The following MMP10 variants were observed in gnomAD, a reference collection of about 807,000 sequenced individuals.
The protein encoded by MMP10 is stromelysin-2.
Under a neutral mutation model 49.1 loss-of-function variants are expected in MMP10, and 50 were observed. The observed-to-expected ratio is 1.02, with a 90% CI of 0.81 to 1.29. The LOEUF is 1.29. MMP10 is among the 50% of genes most tolerant of loss of function. MMP10 has a pLI of 0.00. For missense variants in MMP10, 613 were observed against 563.8 expected (o/e 1.09, Z -0.88); for synonymous variants, 229 against 201.6 (o/e 1.14, Z -1.15).
At chr11:102,778,555 A>T in intron 4 of MMP10, 69 bp downstream of exon 4, 6 of 1,582,658 alleles carry the variant, frequency 3.8e-6, no homozygotes, top group Non-Finnish European at 5.2e-6. Flanking sequence ...CTCGTTCTAG[A>T]TAATCCAATT....
intron 6 of MMP10, 116 bp from the exon 7 acceptor site, chr11:102,775,437 T>C (rs1862012996): frequency 9.7e-6 from 7 of 725,358 alleles, no homozygotes; most frequent in Admixed American, 3.2e-5. Context: ...TATTAAACCA[T>C]CCTCCTGCAT....
chr11:102,778,164 T>A (rs947335313), intron 4 of MMP10, among the ~76,000 whole-genome samples: 6 of 152,198 alleles, frequency 3.9e-5, no homozygotes, highest in African/African-American at 1.2e-4. Flanking sequence ...TTCGAAAAGA[T>A]GACCTAACAG....
chr11:102,778,871 A>G (rs1255633680), intron 3 of MMP10, 122 bp from the exon 4 acceptor site: 5 of 1,180,948 alleles, frequency 4.2e-6, no homozygotes, highest in Non-Finnish European at 2.4e-6. Flanking sequence ...CATATGTTGA[A>G]ACTCAATGCC....
At chr11:102,775,608 A>G (rs1353086501) in intron 6 of MMP10, among the ~76,000 whole-genome samples, 1 of 152,172 alleles carries the variant, frequency 6.6e-6, no homozygotes, top group Non-Finnish European at 1.5e-5. Context: ...TGAGTAGAAC[A>G]TTTTTGTAAA....
rs1482636037 is a variant in MMP10, at chr11:102,773,044, C to T, written c.1067-38G>A. ...TAAATCCAAGACATTTTACTTGAAG[C>T]CATTGATTTTAAAAATAATTATAGT... On this transcript the variant is annotated intron_variant, in intron 7 of 9. Transcript: ENST00000279441. 13 of 1,552,028 alleles carry T rather than the reference C, an allele frequency of 8.4e-6. 1 individual carries two copies. In the South Asian group the frequency reaches 1.6e-4, roughly 19 times the overall value.
At chr11:102,779,969 C>G (rs1244372781) in intron 1 of MMP10, among the ~76,000 whole-genome samples, 2 of 152,094 alleles carry the variant, frequency 1.3e-5, no homozygotes, top group Non-Finnish European at 1.5e-5. Context: ...TCAAGTCTAG[C>G]ATTATTTTTG....
At chr11:102,778,422 TG>T (rs1194157453) in intron 4 of MMP10, among the ~76,000 whole-genome samples, 1 of 152,168 alleles carries the variant, frequency 6.6e-6, no homozygotes, top group Non-Finnish European at 1.5e-5. Flanking sequence ...TTGTACTTGG[TG>T]GGGGCAAACA....
rs1591068986 is a variant in MMP10, at chr11:102,776,431, G to A, written c.788-7C>T. 1.2e-6 allele frequency: 2 copies of A among 1,610,786 alleles called. No individual in the cohort carries two copies. The highest frequency in any genetic ancestry group is 1.1e-5 in the South Asian group (1 of 90,218). ...GTAGAGGCAGGGGGAGGTCCTAAAG[G>A]AAACAGATTTGGGGATGCAAACATT... On this transcript the variant is annotated splice_region_variant and splice_polypyrimidine_tract_variant and intron_variant, in intron 5 of 9. Coordinates refer to ENST00000279441, the MANE Select transcript of MMP10 (RefSeq NM_002425.3).
chr11:102,771,134 C>T (rs1861971562), intron 9 of MMP10, among the ~76,000 whole-genome samples: 1 of 152,126 alleles, frequency 6.6e-6, no homozygotes, highest in Non-Finnish European at 1.5e-5. Context: ...AACAAGGTAG[C>T]ATCTGTAAGG....
Position 102,770,840 on chromosome 11 carries a change from T to C in MMP10, c.1384A>G (p.Arg462Gly). The C allele has an allele frequency of 6.2e-7, 1 of 1,613,288 alleles. No individual in the cohort carries two copies. ...CTCTTTAATATGTGTGTCACCATCCTGGCATTGGGGTCAAACTCAAACTGT... is the reference window on the plus strand; with the variant it reads ...CTCTTTAATATGTGTGTCACCATCCCGGCATTGGGGTCAAACTCAAACTGT... ...SSQFEFDPNA[R>G]MVTHILKSNS... The change falls in exon 10 of 10, where the codon AGG (arginine) becomes GGG (glycine). Residue 462 changes from arginine to glycine, a missense_variant. Transcript: ENST00000279441.
At position 102,779,468 on chromosome 11, in the gene MMP10, T is replaced by A. The variant is rs376876865; in HGVS notation, c.347+36A>T. On this transcript the variant is annotated intron_variant, in intron 2 of 9. Transcript: ENST00000279441. The stretch of plus-strand genomic sequence containing the variant: ...CAAATATGACGAGTAACTTATAAGG[T>A]TTCAATATTATGTGAAAACTAATCT... 7 of 1,611,790 alleles carry A rather than the reference T, an allele frequency of 4.3e-6. No homozygotes were observed. The African/African-American group carries it at 6.7e-5, about 15-fold the overall frequency.
In MMP10 at chr11:102,772,793, G is replaced by T; in HGVS notation, c.1226+54C>A. The T allele has an allele frequency of 1.3e-6, 2 of 1,558,082 alleles. No homozygotes were observed. Among genetic ancestry groups the T allele is most frequent in the Non-Finnish European group, 1.7e-6 (2 of 1,150,544 alleles). ...GGGTAGGGAAATATCCTTAAAGAAA[G>T]AAAATAATTTTCTTAATCAGGCTTC... On this transcript the variant is annotated intron_variant, in intron 8 of 9. Coordinates refer to ENST00000279441, the MANE Select transcript of MMP10 (RefSeq NM_002425.3). The surrounding 1 kb of genome is among the most constrained non-coding windows in gnomAD (Gnocchi z 4.4).
chr11:102,776,759 C>A lies in MMP10; in HGVS notation c.640G>T (p.Val214Phe). 1 of 1,613,690 alleles carries A rather than the reference C, an allele frequency of 6.2e-7. No individual in the cohort carries two copies. The highest frequency in any genetic ancestry group is 8.5e-7 in the Non-Finnish European group (1 of 1,179,874). Reference protein sequence around the residue: ...EDASGTNLFLVAAHELGHSLG... With the variant: ...EDASGTNLFLFAAHELGHSLG... ...GAGTGGCCAAGTTCATGAGCAGCAA[C>A]GAGGAATAAATTGGTGCCTGTATGA... The change falls in exon 5 of 10, where the codon GTT becomes TTT. Residue 214 changes from valine (V) to phenylalanine (F), a missense_variant. Coordinates refer to ENST00000279441, the MANE Select transcript of MMP10 (RefSeq NM_002425.3).
At chr11:102,778,862 A>G (rs959348675) in intron 3 of MMP10, 113 bp from the exon 4 acceptor site, 6 of 1,296,204 alleles carry the variant, frequency 4.6e-6, no homozygotes, top group Non-Finnish European at 5.4e-6. Flanking sequence ...CTGCAAATTC[A>G]TATGTTGAAA....
rs368166063 is a variant in MMP10 at position 102,772,091 on chromosome 11, C to A, written c.1251G>T (p.Met417Ile). The part of the protein sequence containing the change: ...YWRFDENSQS[M>I]EQGFPRLIAD... ...CTATTAGTCTAGGGAAGCCTTGCTC[C>A]ATGGACTGGCTATTTTCATCAAATC... The change falls in exon 9 of 10, where the codon ATG (methionine) becomes ATT (isoleucine). Residue 417 changes from methionine (M) to isoleucine (I), a missense_variant. By Grantham distance (10) the Met-to-Ile change is conservative. Coordinates refer to ENST00000279441, the MANE Select transcript of MMP10 (RefSeq NM_002425.3). This position sits in a 1 kb window ranked among gnomAD's most constrained non-coding sequence, Gnocchi z 4.4. 1.2e-6 allele frequency: 2 copies of A among 1,612,730 alleles called. No homozygotes were observed. The highest frequency in any genetic ancestry group is 1.3e-5 in the African/African-American group (1 of 74,868).
At chr11:102,778,487 C>T (rs1392082191) in intron 4 of MMP10, 137 bp downstream of exon 4, 8 of 1,057,518 alleles carry the variant, frequency 7.6e-6, no homozygotes, top group African/African-American at 3.2e-5. Flanking sequence ...ACAAACAGTA[C>T]TTCTGTTTAA....
At chr11:102,778,299 T>C (rs1857774104) in intron 4 of MMP10, among the ~76,000 whole-genome samples, 1 of 152,180 alleles carries the variant, frequency 6.6e-6, no homozygotes, top group African/African-American at 2.4e-5. Context: ...TGGAATTCAT[T>C]CTATCCTAAT....
chr11:102,778,283 G>C (rs1857773969), intron 4 of MMP10, among the ~76,000 whole-genome samples: 1 of 152,122 alleles, frequency 6.6e-6, no homozygotes, highest in Admixed American at 6.5e-5. Context: ...ATTGGAACTG[G>C]TTTAATGGAA....
Position 102,779,587 on chromosome 11 carries a change from C to T in MMP10, c.264G>A (p.Lys88=), listed in dbSNP as rs1230948608. 1.9e-6 allele frequency: 3 copies of T among 1,614,066 alleles called. No individual in the cohort carries two copies. Among genetic ancestry groups the T allele is most frequent in the Non-Finnish European group, 2.5e-6 (3 of 1,180,016 alleles). ...LDTDTLEVMR[K]PRCGVPDVGH... is the part of the protein sequence containing the mutation. ...CAACGTCAGGAACTCCACACCTGGG[C>T]TTGCGCATCACCTCCAGAGTGTCAG... The change falls in exon 2 of 10, where the codon AAG becomes AAA. Residue 88 remains lysine (K), a synonymous_variant. Coordinates refer to ENST00000279441, the MANE Select transcript of MMP10 (RefSeq NM_002425.3).
Sources: allele counts gnomAD v4.1 joint callset (sites outside exome capture counted in the v4.1 genomes callset), GRCh38; gene constraint gnomAD v4.1.1; non-coding constraint Gnocchi (gnomAD v3.1); transcripts MANE v1.5; gene names NCBI Gene and HGNC (gene_info 2026-07-23, HGNC 2026-07-21).